Variants in TMPRSS11D observed in about 807,000 individuals in gnomAD.
TMPRSS11D encodes the protein transmembrane serine protease 11D.
In TMPRSS11D, 32 loss-of-function variants were observed where a neutral mutation model predicts 44.4. That is an observed-to-expected ratio of 0.72 (90% CI 0.54 to 0.97). TMPRSS11D has a LOEUF of 0.97. TMPRSS11D is among the 50% of genes least tolerant of loss of function. TMPRSS11D has a pLI of 0.00. For missense variants in TMPRSS11D, 446 were observed against 502.6 expected, an observed-to-expected ratio of 0.89 and a Z score of 1.08; for synonymous variants, 179 against 177.9, an observed-to-expected ratio of 1.01 and a Z score of -0.05.
At position 67,820,892 on chromosome 4, in the gene TMPRSS11D, T is replaced by G. The variant is rs1717614452; in HGVS notation, c.*1445A>C. 6.6e-6 allele frequency: 1 copy of G among 152,240 alleles called. No individual in the cohort carries two copies. The highest frequency in any genetic ancestry group is 1.5e-5 in the Non-Finnish European group (1 of 68,050). The allele number at this position is 152,240 out of a possible 1,614,324, so 9.4% of individuals were successfully genotyped here. A position where few individuals can be genotyped will look rare whatever the true frequency, so the allele number is the denominator to read the frequency against. On this transcript the variant is annotated 3_prime_UTR_variant, in exon 10 of 10. Transcript: ENST00000283916. ...GCAGGGAAATTATTTTAAAAAGAAT[T>G]TATTTGAAATAAAGTATAGCAAAGA... is the stretch of plus-strand genomic sequence containing the variant.
chr4:67,829,409 T>C (rs1560537058), intron 7 of TMPRSS11D, among the ~76,000 whole-genome samples: 1 of 150,458 alleles, frequency 6.6e-6, no homozygotes, highest in Non-Finnish European at 1.5e-5. Context: ...TATGTGCACC[T>C]ATATACATAG....
At position 67,860,463 on chromosome 4, in the gene TMPRSS11D, C is replaced by T. The variant is rs191396396; in HGVS notation, c.9-785G>A. On this transcript the variant is annotated intron_variant, in intron 1 of 9. Coordinates refer to ENST00000283916, the MANE Select transcript of TMPRSS11D (RefSeq NM_004262.3). ...TGAAAAATAGGAATAATAATACCTA[C>T]CTCAAAAGGCTGTTTTGAAGATTAA... 5 of 152,082 alleles carry T rather than the reference C, an allele frequency of 3.3e-5. No homozygotes were observed. The East Asian group carries it at 9.7e-4, about 30-fold the overall frequency. The allele number at this position is 152,082 out of a possible 1,614,324, so 9.4% of individuals were successfully genotyped here.
rs371200759 is a variant in TMPRSS11D, at chr4:67,833,244, T to C, written c.652A>G (p.Asn218Asp). The change falls in exon 7 of 10, where the codon AAT becomes GAT. Residue 218 changes from asparagine to aspartate, a missense_variant. Coordinates refer to ENST00000283916, the MANE Select transcript of TMPRSS11D (RefSeq NM_004262.3). Reference protein sequence around the residue: ...NAHHCGGSLINNMWILTAAHC... With the variant: ...NAHHCGGSLIDNMWILTAAHC... ...GCTGCTGTCAGGATCCACATGTTAT[T>C]GATCAGGCTGCCTCCACAGTGGTGG... 11 of 1,564,260 alleles carry C rather than the reference T, an allele frequency of 7.0e-6. No individual in the cohort carries two copies. In the African/African-American group the frequency reaches 1.4e-4, roughly 20 times the overall value.
intron 7 of TMPRSS11D, among the ~76,000 whole-genome samples, chr4:67,831,008 A>G (rs1347712674): frequency 6.6e-6 from 1 of 152,162 alleles, no homozygotes; most frequent in Non-Finnish European, 1.5e-5. Flanking sequence ...TTATAGTTCA[A>G]CAAGCCATTG....
chr4:67,837,196 C>A (rs567907485), intron 5 of TMPRSS11D, among the ~76,000 whole-genome samples: 1 of 152,078 alleles, frequency 6.6e-6, no homozygotes, highest in East Asian at 1.9e-4. Flanking sequence ...TTGGGAAGTG[C>A]GTTCGGGAGC....
chr4:67,858,576 T>C (rs1718714956), intron 2 of TMPRSS11D, among the ~76,000 whole-genome samples: 2 of 152,186 alleles, frequency 1.3e-5, no homozygotes, highest in Non-Finnish European at 2.9e-5. Flanking sequence ...TGGAAGTATT[T>C]CAATCTTTGC....
intron 1 of TMPRSS11D, among the ~76,000 whole-genome samples, chr4:67,874,627 A>C (rs1719139891): frequency 6.6e-6 from 1 of 152,188 alleles, no homozygotes; most frequent in Non-Finnish European, 1.5e-5. Flanking sequence ...ATGGAGTAGA[A>C]TAAATAAGAA....
At chr4:67,825,513 G>A (rs1717769511) in intron 9 of TMPRSS11D, among the ~76,000 whole-genome samples, 1 of 151,946 alleles carries the variant, frequency 6.6e-6, no homozygotes, top group Non-Finnish European at 1.5e-5. Context: ...AGCTTTGGAT[G>A]GTTAACTACT....
At chr4:67,862,764 A>G (rs1052056648) in intron 1 of TMPRSS11D, among the ~76,000 whole-genome samples, 1 of 152,082 alleles carries the variant, frequency 6.6e-6, no homozygotes, top group African/African-American at 2.4e-5. Context: ...GTAGGGACAT[A>G]GATGAAGCTG....
At chr4:67,838,891 T>C (rs1718166684) in intron 4 of TMPRSS11D, 1 of 152,128 alleles carries the variant, frequency 6.6e-6, no homozygotes, top group Admixed American at 6.6e-5. Context: ...TTTTGTCGTA[T>C]ATTAAGATTT....
intron 1 of TMPRSS11D, among the ~76,000 whole-genome samples, chr4:67,876,312 TA>T (rs1719189551): frequency 6.6e-6 from 1 of 152,336 alleles, no homozygotes; most frequent in South Asian, 2.1e-4. Flanking sequence ...ATACTGTTTA[TA>T]AAGTACTTAG....
chr4:67,843,492 A>G (rs1718282602), intron 3 of TMPRSS11D, among the ~76,000 whole-genome samples: 1 of 152,236 alleles, frequency 6.6e-6, no homozygotes, highest in African/African-American at 2.4e-5. Flanking sequence ...GTATCAGAAC[A>G]TGACTTGTAC....
At chr4:67,883,885 A>G (rs1191285986) in intron 1 of TMPRSS11D, 41 bp downstream of exon 1, 1 of 1,542,038 alleles carries the variant, frequency 6.5e-7, no homozygotes, top group African/African-American at 1.4e-5. Context: ...TGTAAGATAT[A>G]GTAAAACTTT....
At chr4:67,844,981 G>GA (rs1264215967) in intron 3 of TMPRSS11D, among the ~76,000 whole-genome samples, 1 of 152,114 alleles carries the variant, frequency 6.6e-6, no homozygotes, top group Admixed American at 6.6e-5. Context: ...AATCGAAGTA[G>GA]AAAAAACTGT....
In TMPRSS11D at chr4:67,825,822, A is replaced by C. The variant is rs919221466; in HGVS notation, c.1005T>G (p.Asp335Glu). ...TATAACTATGTGGTGCATTACATAC[A>C]TCATTACTTATTATTCTGACCTGTC... is the stretch of plus-strand genomic sequence containing the variant. Reference protein sequence around the residue: ...RQGQVRIISNDVCNAPHSYNG... With the variant: ...RQGQVRIISNEVCNAPHSYNG... The change falls in exon 9 of 10, where the codon GAT becomes GAG. Residue 335 changes from aspartate (D) to glutamate (E), a missense_variant. By Grantham distance (45) the Asp-to-Glu change is conservative. Transcript: ENST00000283916. 6 of 1,613,132 alleles carry C rather than the reference A, an allele frequency of 3.7e-6. No homozygotes were observed. Among genetic ancestry groups the C allele is most frequent in the African/African-American group, 1.3e-5 (1 of 74,846 alleles).
intron 1 of TMPRSS11D, among the ~76,000 whole-genome samples, chr4:67,866,395 T>C (rs1718926727): frequency 6.6e-6 from 1 of 151,820 alleles, no homozygotes; most frequent in East Asian, 1.9e-4. Flanking sequence ...CATCATACTG[T>C]ACAGGGAAAA....
At chr4:67,860,556 A>G (rs1718771312) in intron 1 of TMPRSS11D, 1 of 152,140 alleles carries the variant, frequency 6.6e-6, no homozygotes, top group South Asian at 2.1e-4. Context: ...GGCTGTGAAC[A>G]CCTTGAAGGT....
At chr4:67,880,755 C>CA (rs1461706384) in intron 1 of TMPRSS11D, among the ~76,000 whole-genome samples, 2 of 152,030 alleles carry the variant, frequency 1.3e-5, no homozygotes, top group Non-Finnish European at 2.9e-5. Context: ...CCTCGGCCTT[C>CA]AGGGAATACA....
rs1560546052 is a variant in TMPRSS11D at position 67,859,684 on chromosome 4, A to G, written c.9-6T>C. 4 of 1,612,054 alleles carry G rather than the reference A, an allele frequency of 2.5e-6. No homozygotes were observed. The highest frequency in any genetic ancestry group is 3.4e-6 in the Non-Finnish European group (4 of 1,178,682). ...TCGAAGTTACACGTGCTGGCCTTACAAGAGAGAGAGATCAAAGAAAGTCAT... is the reference window on the plus strand; with the variant it reads ...TCGAAGTTACACGTGCTGGCCTTACGAGAGAGAGAGATCAAAGAAAGTCAT... On this transcript the variant is annotated splice_region_variant and splice_polypyrimidine_tract_variant and intron_variant, in intron 1 of 9. Transcript: ENST00000283916.
Sources: gnomAD v4.1 joint callset for allele counts (sites outside exome capture counted in the v4.1 genomes callset) on GRCh38, gnomAD v4.1.1 for gene constraint, MANE v1.5 for transcripts, NCBI Gene and HGNC (gene_info 2026-07-23, HGNC 2026-07-21) for gene names.